SCN2A: variants seen among roughly 807,000 people sequenced by gnomAD.
SCN2A encodes sodium voltage-gated channel alpha subunit 2.
Under a neutral mutation model 188.7 loss-of-function variants are expected in SCN2A, and 20 were observed. The observed-to-expected ratio is 0.11, with a 90% CI of 0.07 to 0.15. The LOEUF is 0.15. Among genes scored for constraint, SCN2A ranks in the 10% least tolerant of loss-of-function variants. The pLI is 1.00. For missense variants in SCN2A, 1,278 were observed against 2,445.0 expected (o/e 0.52, Z 10.07); for synonymous variants, 804 against 833.1 (o/e 0.97, Z 0.60).
chr2:165,251,191 A>G (rs1236853353), intron 1 of SCN2A, among the ~76,000 whole-genome samples: 1 of 152,140 alleles, frequency 6.6e-6, no homozygotes, highest in Middle Eastern at 3.4e-3. Context: ...AATCTAGCCA[A>G]ACCAAACCAA....
At chr2:165,274,722 C>G (rs1308687640) in intron 1 of SCN2A, among the ~76,000 whole-genome samples, 1 of 152,182 alleles carries the variant, frequency 6.6e-6, no homozygotes. Context: ...TTTGCCTTGT[C>G]CACTTCTCTG....
Position 165,291,576 on chromosome 2 carries a change from T to C in SCN2A, c.-51-4197T>C, listed in dbSNP as rs867658047. On this transcript the variant is annotated intron_variant, in intron 1 of 26. Transcript: ENST00000375437. ...TCCTTCCTTCCTTCCTTCCTTCCTT[T>C]CTCTCTCTCTCTCTCTCTCTCTCTT... 3.0e-3 allele frequency among the ~76,000 whole-genome samples: 187 copies of C among 62,180 alleles called. 1 individual carries two copies. Among genetic ancestry groups the C allele is most frequent in the Middle Eastern group, 5.8e-3 (1 of 172 alleles). 40.8% of individuals were successfully genotyped at this position (62,180 alleles called of 152,430 possible). A position where few individuals can be genotyped will look rare whatever the true frequency, so the allele number is the denominator to read the frequency against.
chr2:165,363,227 G>A (rs1389097429), intron 17 of SCN2A, among the ~76,000 whole-genome samples: 1 of 151,894 alleles, frequency 6.6e-6, no homozygotes, highest in Non-Finnish European at 1.5e-5. Flanking sequence ...AACATACTTA[G>A]CACTGATGTA....
intron 3 of SCN2A, among the ~76,000 whole-genome samples, chr2:165,305,654 T>G (rs1391631349): frequency 1.3e-5 from 2 of 152,236 alleles, no homozygotes; most frequent in Admixed American, 1.3e-4. Context: ...CCTTGTTGAA[T>G]GCTGCTTAGA....
In SCN2A at chr2:165,389,996, G is replaced by A; in HGVS notation, c.*172G>A. 3 of 1,057,022 alleles carry A rather than the reference G, an allele frequency of 2.8e-6. No individual in the cohort carries two copies. The highest frequency in any genetic ancestry group is 3.2e-4 in the Middle Eastern group (1 of 3,162). The allele number at this position is 1,057,022 out of a possible 1,614,324, so 65.5% of individuals were successfully genotyped here. On this transcript the variant is annotated 3_prime_UTR_variant, in exon 27 of 27. Transcript: ENST00000375437. This position sits in a 1 kb window ranked among gnomAD's most constrained non-coding sequence, Gnocchi z 4.2. ...ACAGAGACCTCTGGTCAGCAAACTG[G>A]AACTCAGTAAACTGGAGAAATAGTA...
intron 1 of SCN2A, among the ~76,000 whole-genome samples, chr2:165,241,373 T>G (rs935971263): frequency 2.0e-5 from 3 of 152,188 alleles, no homozygotes; most frequent in African/African-American, 7.2e-5. Flanking sequence ...ATGAATGATG[T>G]GGATGGCCAC....
chr2:165,291,035 CTTTT>C (rs55979694), intron 1 of SCN2A, among the ~76,000 whole-genome samples: 2 of 79,946 alleles, frequency 2.5e-5, no homozygotes, highest in Non-Finnish European at 4.7e-5. Context: ...TCTTTTCTTT[CTTTT>C]TTTTTTTTTT....
chr2:165,356,524 T>C (rs532910110), intron 17 of SCN2A, among the ~76,000 whole-genome samples: 28 of 152,342 alleles, frequency 1.8e-4, no homozygotes, highest in African/African-American at 6.5e-4. Context: ...TTTGAAATTA[T>C]GCCTAATGGT....
rs147523440 is a variant in SCN2A at position 165,353,767 on chromosome 2, G to A, written c.2920-425G>A. ...ATGAGGACAGCACCAAGGCATGAGG[G>A]ATCTGACCCCATCATCCAAACACCT... On this transcript the variant is annotated intron_variant, in intron 16 of 26. Coordinates refer to ENST00000375437, the MANE Select transcript of SCN2A (RefSeq NM_001040142.2). Among the ~76,000 whole-genome samples the A allele has an allele frequency of 1.3e-4, 20 of 152,184 alleles. No individual in the cohort carries two copies. In the East Asian group the frequency reaches 3.7e-3, roughly 28 times the overall value.
intron 14 of SCN2A, among the ~76,000 whole-genome samples, chr2:165,337,986 G>A (rs1437845189): frequency 1.3e-5 from 2 of 151,962 alleles, no homozygotes; most frequent in African/African-American, 4.8e-5. Flanking sequence ...TAAATCACAG[G>A]GGTTTGGCAT....
At chr2:165,345,411 A>G (rs936289312) in intron 16 of SCN2A, among the ~76,000 whole-genome samples, 3 of 152,154 alleles carry the variant, frequency 2.0e-5, no homozygotes, top group Admixed American at 1.3e-4. Flanking sequence ...CCCTAACACC[A>G]TATATATTTA....
chr2:165,344,273 AGTCACTGCTAT>A (rs1297783926), intron 15 of SCN2A, among the ~76,000 whole-genome samples: 1 of 152,126 alleles, frequency 6.6e-6, no homozygotes, highest in Non-Finnish European at 1.5e-5. Flanking sequence ...TATGGTAGCA[AGTCACTGCTAT>A]ATTTGTTAGT....
chr2:165,373,155 T>C (rs1304978402), intron 20 of SCN2A, 70 bp from the exon 21 acceptor site: 2 of 1,537,266 alleles, frequency 1.3e-6, no homozygotes, highest in African/African-American at 1.4e-5. Context: ...ATTCATTGCA[T>C]AGAGCAAGGC....
At chr2:165,321,298 G>A (rs754081668) in intron 11 of SCN2A, among the ~76,000 whole-genome samples, 3 of 152,140 alleles carry the variant, frequency 2.0e-5, no homozygotes, top group Non-Finnish European at 4.4e-5. Flanking sequence ...TTTGGTCAAA[G>A]CCATTCAATA....
intron 1 of SCN2A, among the ~76,000 whole-genome samples, chr2:165,241,820 G>A (rs1693634409): frequency 6.6e-6 from 1 of 152,190 alleles, no homozygotes. Context: ...GGGGGGCTCA[G>A]AGGAAAAGAT....
In SCN2A at chr2:165,344,882, A is replaced by G; in HGVS notation, c.2890A>G (p.Met964Val). ...CCAAACCATGTGCCTTACTGTCTTC[A>G]TGATGGTCATGGTGATTGGAAATCT... ...AGQTMCLTVF[M>V]MVMVIGNLVV... The change falls in exon 16 of 27, where the codon ATG (methionine) becomes GTG (valine). Residue 964 changes from methionine to valine, a missense_variant. Met to Val is a conservative substitution (Grantham distance 21, BLOSUM62 1). Coordinates refer to ENST00000375437, the MANE Select transcript of SCN2A (RefSeq NM_001040142.2). 1.2e-6 allele frequency: 2 copies of G among 1,614,218 alleles called. No individual in the cohort carries two copies. Among genetic ancestry groups the G allele is most frequent in the South Asian group, 1.1e-5 (1 of 91,086 alleles).
At chr2:165,270,118 C>A (rs973960019) in intron 1 of SCN2A, 4 of 152,156 alleles carry the variant, frequency 2.6e-5, no homozygotes, top group African/African-American at 9.6e-5. Flanking sequence ...TTAACAATTT[C>A]TTCTTTGTTC....
At chr2:165,299,269 C>T (rs781625093) in intron 3 of SCN2A, among the ~76,000 whole-genome samples, 50 of 152,152 alleles carry the variant, frequency 3.3e-4, no homozygotes, top group Non-Finnish European at 6.0e-4. Flanking sequence ...CCAGATACAA[C>T]TTGAATCTGT....
intron 1 of SCN2A, chr2:165,294,168 T>C: frequency 1.1e-6 from 1 of 897,562 alleles, no homozygotes; most frequent in Non-Finnish European, 1.3e-6. Context: ...ATGCTTATTC[T>C]CTGTGATGCT....
Sources: gnomAD v4.1 joint callset for allele counts (sites outside exome capture counted in the v4.1 genomes callset) on GRCh38, gnomAD v4.1.1 for gene constraint, Gnocchi (gnomAD v3.1) non-coding constraint, MANE v1.5 for transcripts, NCBI Gene and HGNC (gene_info 2026-07-23, HGNC 2026-07-21) for gene names.